AGBL4: variants seen among roughly 807,000 people sequenced by gnomAD.
The protein encoded by AGBL4 is AGBL carboxypeptidase 4.
A neutral mutation model predicts 66.4 loss-of-function variants in AGBL4; 58 were observed. The ratio of observed to expected loss-of-function variants is 0.87; its 90% CI spans 0.71 to 1.09. The LOEUF (loss-of-function observed/expected upper bound fraction) is 1.09, where lower values mean the gene tolerates loss of function less well. Ranked by LOEUF, AGBL4 falls within the 50% of genes least tolerant of loss-of-function variation. AGBL4 has a pLI of 0.00. For synonymous variants in AGBL4, 234 were observed against 222.9 expected, an observed-to-expected ratio of 1.05 and a Z score of -0.44; for missense variants, 579 against 631.0, an observed-to-expected ratio of 0.92 and a Z score of 0.88.
At chr1:49,085,646 G>A (rs1264252664) in intron 4 of AGBL4, among the ~76,000 whole-genome samples, 1 of 151,912 alleles carries the variant, frequency 6.6e-6, no homozygotes, top group Non-Finnish European at 1.5e-5. Flanking sequence ...GTGGGGCATA[G>A]AGAGCAGAGA....
At chr1:48,564,675 T>C (rs759469921) in intron 11 of AGBL4, among the ~76,000 whole-genome samples, 3 of 152,200 alleles carry the variant, frequency 2.0e-5, no homozygotes, top group Non-Finnish European at 4.4e-5. Context: ...TGTAAATATG[T>C]GCAATGATAA....
intron 6 of AGBL4, among the ~76,000 whole-genome samples, chr1:48,744,093 T>C (rs1171338921): frequency 6.6e-6 from 1 of 152,078 alleles, no homozygotes; most frequent in Non-Finnish European, 1.5e-5. Context: ...TGACCACAGG[T>C]GAGTAAATTA....
chr1:49,341,179 T>G (rs1645532574), intron 3 of AGBL4, among the ~76,000 whole-genome samples: 1 of 152,170 alleles, frequency 6.6e-6, no homozygotes, highest in African/African-American at 2.4e-5. Context: ...TCCCCTTGAA[T>G]TCTTTCTTGA....
At chr1:49,947,937 T>C (rs1655369691) in intron 1 of AGBL4, among the ~76,000 whole-genome samples, 1 of 127,766 alleles carries the variant, frequency 7.8e-6, no homozygotes, top group Admixed American at 9.4e-5. Flanking sequence ...CTCAACCCCT[T>C]TTGCAATAGC....
intron 6 of AGBL4, among the ~76,000 whole-genome samples, chr1:48,819,341 A>T (rs1354717534): frequency 1.3e-5 from 2 of 152,210 alleles, no homozygotes; most frequent in Non-Finnish European, 2.9e-5. Context: ...TCATTAGGCC[A>T]GATTCTGAAG....
intron 6 of AGBL4, among the ~76,000 whole-genome samples, chr1:48,772,712 T>G (rs1644896993): frequency 6.6e-6 from 1 of 152,096 alleles, no homozygotes; most frequent in Admixed American, 6.5e-5. Flanking sequence ...CTAAAAGCAA[T>G]TGGGAAAATA....
chr1:48,626,646 G>A (rs1645507581), intron 9 of AGBL4, among the ~76,000 whole-genome samples: 1 of 151,834 alleles, frequency 6.6e-6, no homozygotes, highest in Non-Finnish European at 1.5e-5. Flanking sequence ...GTCCCGGAGA[G>A]GGTAAGAGAC....
chr1:49,183,452 T>C (rs1463051797), intron 4 of AGBL4, among the ~76,000 whole-genome samples: 1 of 152,160 alleles, frequency 6.6e-6, no homozygotes, highest in African/African-American at 2.4e-5. Context: ...ACCAAGGGTC[T>C]TGGAATTGCC....
chr1:49,130,429 A>G (rs910161677), intron 4 of AGBL4, among the ~76,000 whole-genome samples: 36 of 151,952 alleles, frequency 2.4e-4, no homozygotes, highest in African/African-American at 6.8e-4. Flanking sequence ...TTTTCTTCTA[A>G]GGTTTTTATG....
At chr1:49,463,662 G>T (rs1167868259) in intron 3 of AGBL4, among the ~76,000 whole-genome samples, 1 of 151,690 alleles carries the variant, frequency 6.6e-6, no homozygotes, top group Non-Finnish European at 1.5e-5. Flanking sequence ...ATTAAGCTGG[G>T]AAAGGGATTC....
chr1:48,641,896 T>A (rs1645762008), intron 8 of AGBL4, among the ~76,000 whole-genome samples: 1 of 152,168 alleles, frequency 6.6e-6, no homozygotes, highest in Non-Finnish European at 1.5e-5. Context: ...GAGAGGTAGA[T>A]GCAATATCTT....
intron 5 of AGBL4, among the ~76,000 whole-genome samples, chr1:48,892,083 G>T (rs1189390188): frequency 6.6e-6 from 1 of 150,548 alleles, no homozygotes; most frequent in African/African-American, 2.4e-5. Context: ...GCAGAGGCAT[G>T]CTCTCTCCAA....
chr1:49,696,690 A>T (rs766269199), intron 3 of AGBL4, among the ~76,000 whole-genome samples: 1 of 152,102 alleles, frequency 6.6e-6, no homozygotes, highest in Non-Finnish European at 1.5e-5. Flanking sequence ...TGAAAAAAAA[A>T]CTGAAACACT....
chr1:48,865,807 TG>T (rs1648006511), intron 6 of AGBL4, among the ~76,000 whole-genome samples: 1 of 152,142 alleles, frequency 6.6e-6, no homozygotes, highest in African/African-American at 2.4e-5. Context: ...GACAGTGTAT[TG>T]TGGAGTAGAA....
intron 3 of AGBL4, among the ~76,000 whole-genome samples, chr1:49,573,577 C>T (rs1644376968): frequency 6.6e-6 from 1 of 152,116 alleles, no homozygotes; most frequent in African/African-American, 2.4e-5. Flanking sequence ...AAATAATGAA[C>T]CCAGGGATTC....
chr1:48,956,569 G>A (rs1196303315), intron 5 of AGBL4, among the ~76,000 whole-genome samples: 3 of 152,124 alleles, frequency 2.0e-5, no homozygotes, highest in Non-Finnish European at 4.4e-5. Context: ...GAGACTCAGA[G>A]GTTACAAGTA....
At chr1:48,807,281 G>C (rs1292473042) in intron 6 of AGBL4, among the ~76,000 whole-genome samples, 1 of 152,222 alleles carries the variant, frequency 6.6e-6, no homozygotes, top group African/African-American at 2.4e-5. Context: ...TGGGTACTCT[G>C]TACATGTTGG....
At chr1:49,633,071 T>C (rs1645603016) in intron 3 of AGBL4, among the ~76,000 whole-genome samples, 1 of 151,518 alleles carries the variant, frequency 6.6e-6, no homozygotes, top group South Asian at 2.1e-4. Context: ...AGACTCCATC[T>C]CAAAAAATAA....
chr1:48,898,724 T>G (rs1651784308), intron 5 of AGBL4, among the ~76,000 whole-genome samples: 1 of 152,170 alleles, frequency 6.6e-6, no homozygotes, highest in African/African-American at 2.4e-5. Flanking sequence ...TCTGGTAGTG[T>G]GATGCTTCCA....
Sources: gnomAD v4.1 joint callset for allele counts (sites outside exome capture counted in the v4.1 genomes callset) on GRCh38, gnomAD v4.1.1 for gene constraint, MANE v1.5 for transcripts, NCBI Gene and HGNC (gene_info 2026-07-23, HGNC 2026-07-21) for gene names.